The following NALCN variants were observed in gnomAD, a reference collection of about 807,000 sequenced individuals.
NALCN encodes sodium leak channel, non-selective.
Under a neutral mutation model 225.3 loss-of-function variants are expected in NALCN, and 111 were observed. The observed-to-expected ratio is 0.49, with a 90% CI of 0.42 to 0.58. NALCN has a LOEUF of 0.58. NALCN is among the 20% of genes least tolerant of loss of function. NALCN has a pLI of 0.00. For synonymous variants in NALCN, 764 were observed against 769.0 expected, an observed-to-expected ratio of 0.99 and a Z score of 0.11; for missense variants, 1,378 against 2,202.4, an observed-to-expected ratio of 0.63 and a Z score of 7.49.
chr13:101,068,164 T>C (rs1357675839), intron 38 of NALCN, 131 bp from the exon 39 acceptor site: 2 of 623,022 alleles, frequency 3.2e-6, no homozygotes, highest in Non-Finnish European at 2.7e-6. Flanking sequence ...AAAGTGCTTT[T>C]AGTATGGTTT....
intron 3 of NALCN, among the ~76,000 whole-genome samples, chr13:101,383,947 A>T (rs2046918166): frequency 6.6e-6 from 1 of 152,242 alleles, no homozygotes; most frequent in Non-Finnish European, 1.5e-5. Context: ...AGGCACAATA[A>T]GTTTATAATA....
At chr13:101,218,317 A>G (rs1290406509) in intron 13 of NALCN, among the ~76,000 whole-genome samples, 1 of 152,164 alleles carries the variant, frequency 6.6e-6, no homozygotes, top group Non-Finnish European at 1.5e-5. Context: ...CTGGTGGCTT[A>G]AAACAACAGA....
intron 10 of NALCN, among the ~76,000 whole-genome samples, chr13:101,268,992 C>A (rs1449038190): frequency 1.3e-5 from 2 of 152,000 alleles, no homozygotes; most frequent in Non-Finnish European, 2.9e-5. Context: ...AATTAACTAA[C>A]CTATAATTTA....
chr13:101,371,768 C>G (rs2046546094), intron 6 of NALCN, among the ~76,000 whole-genome samples: 1 of 152,116 alleles, frequency 6.6e-6, no homozygotes, highest in Non-Finnish European at 1.5e-5. Flanking sequence ...AGCATCTGAC[C>G]AGTTGGTCCA....
chr13:101,128,698 C>T (rs1183361865), intron 17 of NALCN, among the ~76,000 whole-genome samples: 1 of 152,004 alleles, frequency 6.6e-6, no homozygotes, highest in Non-Finnish European at 1.5e-5. Context: ...GCTGGGACTA[C>T]AGGCGTGTGC....
chr13:101,270,044 C>G (rs1010519393), intron 10 of NALCN, among the ~76,000 whole-genome samples: 2 of 152,172 alleles, frequency 1.3e-5, no homozygotes, highest in African/African-American at 4.8e-5. Flanking sequence ...GCCTGATGTT[C>G]CTAGACTTCA....
intron 12 of NALCN, among the ~76,000 whole-genome samples, chr13:101,234,185 T>C (rs978276391): frequency 6.6e-6 from 1 of 152,240 alleles, no homozygotes; most frequent in Non-Finnish European, 1.5e-5. Context: ...GTACTTCACA[T>C]TCCTTTGTGT....
intron 13 of NALCN, among the ~76,000 whole-genome samples, chr13:101,221,422 AC>A (rs2040935962): frequency 6.6e-6 from 1 of 151,930 alleles, no homozygotes; most frequent in East Asian, 1.9e-4. Context: ...GGCCAAAGAC[AC>A]CTTTTTTACT....
intron 4 of NALCN, among the ~76,000 whole-genome samples, chr13:101,377,780 T>C (rs2046736195): frequency 1.3e-5 from 2 of 152,132 alleles, no homozygotes; most frequent in Admixed American, 1.3e-4. Context: ...TTAAAATTCA[T>C]TAAAACAGTA....
At chr13:101,222,865 G>GA (rs762797897) in intron 13 of NALCN, among the ~76,000 whole-genome samples, 2 of 152,110 alleles carry the variant, frequency 1.3e-5, no homozygotes, top group Non-Finnish European at 2.9e-5. Context: ...TCTACTTCCA[G>GA]AAAAGGTTGC....
intron 13 of NALCN, among the ~76,000 whole-genome samples, chr13:101,212,866 A>C (rs1382597411): frequency 3.3e-5 from 5 of 152,162 alleles, no homozygotes; most frequent in African/African-American, 1.2e-4. Context: ...AAATGGCCAT[A>C]CTGCCCAAGG....
chr13:101,167,720 CCCAGCTACTTGGTAGA>C (rs754534971), intron 15 of NALCN, among the ~76,000 whole-genome samples: 35,920 of 150,690 alleles, frequency 0.24, 5,028 homozygotes, highest in Non-Finnish European at 0.32. Flanking sequence ...TGCCTGTAAT[CCCAGCTACTTGGTAGA>C]CTGAGGCAGG....
At chr13:101,152,792 C>T (rs1187356829) in intron 15 of NALCN, among the ~76,000 whole-genome samples, 3 of 152,044 alleles carry the variant, frequency 2.0e-5, no homozygotes, top group Non-Finnish European at 4.4e-5. Context: ...CTTTGTTACT[C>T]CACTGAGACA....
chr13:101,058,201 A>C, intron 42 of NALCN, 145 bp from the exon 43 acceptor site: 1 of 657,596 alleles, frequency 1.5e-6, no homozygotes, highest in Admixed American at 2.9e-5. Context: ...AAAAGTGAAA[A>C]TGGGTATAAA....
chr13:101,076,743 C>G (rs2033281235), intron 34 of NALCN, among the ~76,000 whole-genome samples: 1 of 152,164 alleles, frequency 6.6e-6, no homozygotes, highest in Non-Finnish European at 1.5e-5. Flanking sequence ...GAATGAGCAT[C>G]CTTCCAAGAC....
chr13:101,203,045 C>T (rs1000096197), intron 13 of NALCN, among the ~76,000 whole-genome samples: 4 of 152,134 alleles, frequency 2.6e-5, no homozygotes. Flanking sequence ...TATGCAATCC[C>T]ATTGTCACTC....
intron 1 of NALCN, among the ~76,000 whole-genome samples, chr13:101,412,398 G>A (rs1452946875): frequency 6.6e-6 from 1 of 151,956 alleles, no homozygotes; most frequent in Non-Finnish European, 1.5e-5. Flanking sequence ...GATTCTCTTG[G>A]CTTCAGTGTT....
Position 101,396,263 on chromosome 13 carries a change from A to G in NALCN, c.109-898T>C, listed in dbSNP as rs549293228. 1.1e-4 allele frequency among the ~76,000 whole-genome samples: 16 copies of G among 152,274 alleles called. No homozygotes were observed. The South Asian group carries it at 2.1e-3, about 20-fold the overall frequency. Reference sequence around the variant, plus strand: ...TTTATTATGAAAACTAGTATCTAGGATTAAAAAAATACTTAACTGCATCTC... The same window carrying G: ...TTTATTATGAAAACTAGTATCTAGGGTTAAAAAAATACTTAACTGCATCTC... On this transcript the variant is annotated intron_variant, in intron 2 of 43. Transcript: ENST00000251127.
At chr13:101,261,851 T>C (rs531723056) in intron 10 of NALCN, among the ~76,000 whole-genome samples, 3 of 152,210 alleles carry the variant, frequency 2.0e-5, no homozygotes, top group African/African-American at 7.2e-5. Flanking sequence ...TCTCTTGTCC[T>C]ATTTTTCTAG....
Sources: gnomAD v4.1 joint callset for allele counts (sites outside exome capture counted in the v4.1 genomes callset) on GRCh38, gnomAD v4.1.1 for gene constraint, MANE v1.5 for transcripts, NCBI Gene and HGNC (gene_info 2026-07-23, HGNC 2026-07-21) for gene names.